The following PARD3B variants were observed in gnomAD, a reference collection of about 807,000 sequenced individuals.
PARD3B encodes partitioning defective 3 homolog B.
In PARD3B, 103 loss-of-function variants were observed where a neutral mutation model predicts 130.2. The ratio of observed to expected loss-of-function variants is 0.79; its 90% CI spans 0.67 to 0.93. The LOEUF is 0.93. Ranked by LOEUF, PARD3B falls within the 40% of genes least tolerant of loss-of-function variation. The probability of loss-of-function intolerance (pLI) is 0.00; values close to 1 mark genes in which losing one functional copy is unlikely to be tolerated. For synonymous variants in PARD3B, 583 were observed against 553.2 expected (o/e 1.05, Z -0.76); for missense variants, 1,609 against 1,499.2 (o/e 1.07, Z -1.21).
chr2:205,178,367 G>T (rs1460430650), intron 13 of PARD3B, among the ~76,000 whole-genome samples: 1 of 151,882 alleles, frequency 6.6e-6, no homozygotes, highest in African/African-American at 2.4e-5. Context: ...GCAGGAGAAT[G>T]GTGTAAACCC....
At chr2:205,126,561 G>T (rs546739557) in intron 10 of PARD3B, among the ~76,000 whole-genome samples, 1 of 150,348 alleles carries the variant, frequency 6.7e-6, no homozygotes, top group South Asian at 2.1e-4. Flanking sequence ...CTAACAAGGT[G>T]AAACCCCGTC....
In PARD3B at chr2:205,421,006, T is replaced by TG. The variant is rs754379750; in HGVS notation, c.2742-19360dup. On this transcript the variant is annotated intron_variant, in intron 19 of 22. Coordinates refer to ENST00000406610, the MANE Select transcript of PARD3B (RefSeq NM_001302769.2). This position sits in a 1 kb window ranked among gnomAD's most constrained non-coding sequence, Gnocchi z 5.1. ...AAATACAAAAATTAGCTGGATGTGG[T>TG]GGGGCGTGCCCATAGTCCCAGCTAC... is the stretch of plus-strand genomic sequence containing the variant. 4.6e-5 allele frequency among the ~76,000 whole-genome samples: 7 copies of TG among 152,196 alleles called. No individual in the cohort carries two copies. The highest frequency in any genetic ancestry group is 4.1e-4 in the South Asian group (2 of 4,828).
At chr2:205,056,458 T>C (rs776246634) in intron 4 of PARD3B, among the ~76,000 whole-genome samples, 21 of 152,138 alleles carry the variant, frequency 1.4e-4, no homozygotes, top group Non-Finnish European at 3.1e-4. Flanking sequence ...ATAAGCAGCA[T>C]GAGAGCCTGT....
At chr2:205,168,661 T>TTC in intron 11 of PARD3B, among the ~76,000 whole-genome samples, 1 of 137,922 alleles carries the variant, frequency 7.3e-6, no homozygotes, top group East Asian at 2.2e-4. Context: ...TAGACAGCCT[T>TTC]TTTTTTTTTT....
intron 3 of PARD3B, among the ~76,000 whole-genome samples, chr2:205,043,709 A>G (rs1234244388): frequency 1.3e-5 from 2 of 152,046 alleles, no homozygotes; most frequent in Non-Finnish European, 2.9e-5. Context: ...ACTCTACCAT[A>G]TATTCAAGGT....
chr2:205,439,075 C>T (rs1380458976), intron 19 of PARD3B, among the ~76,000 whole-genome samples: 2 of 152,114 alleles, frequency 1.3e-5, no homozygotes, highest in Non-Finnish European at 2.9e-5. Context: ...TCAGAAAATC[C>T]TGCGTTCTAA....
intron 1 of PARD3B, among the ~76,000 whole-genome samples, chr2:204,650,612 T>C (rs11899398): frequency 0.32 from 48,787 of 151,816 alleles, 10,797 homozygotes; most frequent in African/African-American, 0.63. Flanking sequence ...ATGGATGGAG[T>C]AGGAGGCCAT....
In PARD3B at chr2:205,049,138, AGCATTGTTT is replaced by A. The variant is rs566377365; in HGVS notation, c.504+1453_504+1461del. Among the ~76,000 whole-genome samples, 14 of 152,298 alleles carry A rather than the reference AGCATTGTTT, an allele frequency of 9.2e-5. No homozygotes were observed. In the East Asian group the frequency reaches 2.7e-3, roughly 29 times the overall value. On this transcript the variant is annotated intron_variant, in intron 4 of 22. Coordinates refer to ENST00000406610, the MANE Select transcript of PARD3B (RefSeq NM_001302769.2). ...CGAGAGTGTGTCTGATTAATGTGTT[AGCATTGTTT>A]GCATGGAGAAAGTCCCTGTATTTGC...
intron 20 of PARD3B, among the ~76,000 whole-genome samples, chr2:205,466,648 G>A (rs943110670): frequency 2.0e-5 from 3 of 152,132 alleles, no homozygotes; most frequent in South Asian, 2.1e-4. Flanking sequence ...CCATCATTTC[G>A]GTTAAAGCTA....
chr2:205,401,264 A>G, intron 19 of PARD3B, 141 bp downstream of exon 19: 1 of 618,662 alleles, frequency 1.6e-6, no homozygotes, highest in East Asian at 2.8e-5. Context: ...GTCTGATACA[A>G]AAAGAACCTC....
In PARD3B at chr2:205,244,411, A is replaced by G. The variant is rs2039482131; in HGVS notation, c.2141-1367A>G. Among the ~76,000 whole-genome samples, 1 of 152,240 alleles carries G rather than the reference A, an allele frequency of 6.6e-6. No homozygotes were observed. The highest frequency in any genetic ancestry group is 2.4e-5 in the African/African-American group (1 of 41,464). Reference sequence around the variant, plus strand: ...TTGTTGAATATTAAAGTGATGATCTATGCAGAGATGCTTAAGGATTAAGAA... The same window carrying G: ...TTGTTGAATATTAAAGTGATGATCTGTGCAGAGATGCTTAAGGATTAAGAA... On this transcript the variant is annotated intron_variant, in intron 15 of 22. Transcript: ENST00000406610. This position sits in a 1 kb window ranked among gnomAD's most constrained non-coding sequence, Gnocchi z 4.7.
rs1219708211 is a variant in PARD3B at position 205,265,512 on chromosome 2, A to C, written c.2185+19690A>C. Among the ~76,000 whole-genome samples, 1 of 150,170 alleles carries C rather than the reference A, an allele frequency of 6.7e-6. No homozygotes were observed. Among genetic ancestry groups the C allele is most frequent in the Non-Finnish European group, 1.5e-5 (1 of 67,254 alleles). ...TATGTGTAGATTAGGGTGAAATCTC[A>C]GGTGCTTTTTGATTTTCTACTTTCA... On this transcript the variant is annotated intron_variant, in intron 16 of 22. Coordinates refer to ENST00000406610, the MANE Select transcript of PARD3B (RefSeq NM_001302769.2). The surrounding 1 kb of genome is among the most constrained non-coding windows in gnomAD (Gnocchi z 4.3).
chr2:204,608,593 C>T (rs1243119533), intron 1 of PARD3B, among the ~76,000 whole-genome samples: 1 of 152,128 alleles, frequency 6.6e-6, no homozygotes, highest in Admixed American at 6.6e-5. Flanking sequence ...TTTATTAGCA[C>T]AGATAAATCA....
intron 1 of PARD3B, among the ~76,000 whole-genome samples, chr2:204,659,054 C>T (rs868167030): frequency 6.6e-6 from 1 of 151,960 alleles, no homozygotes; most frequent in East Asian, 1.9e-4. Context: ...TTTAGCATTC[C>T]CTAGCTATAG....
chr2:205,150,983 T>G (rs1483642668), intron 10 of PARD3B, among the ~76,000 whole-genome samples: 1 of 152,132 alleles, frequency 6.6e-6, no homozygotes, highest in Non-Finnish European at 1.5e-5. Flanking sequence ...TCTAGGAGAG[T>G]AGAATTTAAG....
chr2:205,087,930 A>G (rs1337443304), intron 4 of PARD3B, among the ~76,000 whole-genome samples: 1 of 152,216 alleles, frequency 6.6e-6, no homozygotes, highest in Non-Finnish European at 1.5e-5. Context: ...AAAAATACTT[A>G]AAGTGCATCT....
At chr2:205,107,805 A>G (rs1301960400) in intron 5 of PARD3B, among the ~76,000 whole-genome samples, 1 of 152,198 alleles carries the variant, frequency 6.6e-6, no homozygotes, top group Non-Finnish European at 1.5e-5. Flanking sequence ...ATGAAGCACC[A>G]CTCAACTTAT....
At chr2:205,475,873 T>C (rs1019234344) in intron 20 of PARD3B, among the ~76,000 whole-genome samples, 1 of 152,204 alleles carries the variant, frequency 6.6e-6, no homozygotes, top group Non-Finnish European at 1.5e-5. Flanking sequence ...GAATTTATGC[T>C]CATAATACAA....
intron 2 of PARD3B, among the ~76,000 whole-genome samples, chr2:204,701,062 T>G (rs926542430): frequency 6.6e-6 from 1 of 152,130 alleles, no homozygotes; most frequent in Non-Finnish European, 1.5e-5. Flanking sequence ...ATTTATACTT[T>G]TTCATACAAA....
Sources: gnomAD v4.1 joint callset for allele counts (sites outside exome capture counted in the v4.1 genomes callset) on GRCh38, gnomAD v4.1.1 for gene constraint, Gnocchi (gnomAD v3.1) non-coding constraint, MANE v1.5 for transcripts, NCBI Gene and HGNC (gene_info 2026-07-23, HGNC 2026-07-21) for gene names.